The following EIF5A variants were observed in gnomAD, a reference collection of about 807,000 sequenced individuals.
EIF5A encodes eukaryotic translation initiation factor 5A-1.
A neutral mutation model predicts 16.6 loss-of-function variants in EIF5A; 1 was observed. The observed-to-expected ratio is 0.06, with a 90% confidence interval of 0.02 to 0.28. The LOEUF is 0.28. EIF5A is among the 10% of genes least tolerant of loss of function. EIF5A has a pLI of 1.00. For synonymous variants in EIF5A, 80 were observed against 73.6 expected, an observed-to-expected ratio of 1.09 and a Z score of -0.44; for missense variants, 29 against 196.1, an observed-to-expected ratio of 0.15 and a Z score of 5.09.
At chr17:7,307,060 G>C (rs1489507280), upstream of EIF5A, 4 of 1,603,044 alleles carry the variant, frequency 2.5e-6, no homozygotes, top group Non-Finnish European at 3.4e-6. Flanking sequence ...TGTGGAACTG[G>C]GGGGACTGAT....
chr17:7,312,460 C>T lies in EIF5A; in HGVS notation c.*650C>T, dbSNP rs1389314423. 2.8e-6 allele frequency: 1 copy of T among 351,158 alleles called. No homozygotes were observed. Among genetic ancestry groups the T allele is most frequent in the South Asian group, 3.3e-5 (1 of 29,914 alleles). The allele number at this position is 351,158 out of a possible 1,614,324, so 21.8% of individuals were successfully genotyped here. The stretch of plus-strand genomic sequence containing the variant: ...AAACTACAAGTTTAATATGAAGCCC[C>T]CAACTCAGCTGCTTATTTGAATTAA... On this transcript the variant is annotated 3_prime_UTR_variant, in exon 6 of 6. Coordinates refer to ENST00000336458, the MANE Select transcript of EIF5A (RefSeq NM_001970.5).
intron 1 of EIF5A, 56 bp downstream of exon 1, chr17:7,307,808 T>G (rs1597613300): frequency 3.2e-6 from 3 of 945,338 alleles, no homozygotes; most frequent in Non-Finnish European, 3.7e-6. Flanking sequence ...CGGGAGAAGA[T>G]GGAACTGCGC....
intron 2 of EIF5A, chr17:7,310,815 A>G (rs922170938): frequency 8.1e-6 from 8 of 985,118 alleles, no homozygotes; most frequent in South Asian, 4.7e-5. Context: ...GTCAACCCCA[A>G]TCTCAACGGT....
At chr17:7,310,310 C>G (rs1468989010) in intron 2 of EIF5A, 2 of 1,277,594 alleles carry the variant, frequency 1.6e-6, no homozygotes, top group East Asian at 1.1e-4. Flanking sequence ...CTGCCCCTAC[C>G]TGCCCCATCC....
chr17:7,311,684 A>C lies in EIF5A; in HGVS notation c.*11+33A>C, dbSNP rs1361371747. 6.2e-6 allele frequency: 10 copies of C among 1,612,860 alleles called. No individual in the cohort carries two copies. The East Asian group carries it at 2.2e-4, about 36-fold the overall frequency. On this transcript the variant is annotated intron_variant, in intron 5 of 5. Transcript: ENST00000336458. ...TGACAAATCCCTCACTGTCCCCTTC[A>C]CATTTTGTTGTCCTCAGCAGAGCTG...
intron 2 of EIF5A, chr17:7,310,309 C>T (rs2143009117): frequency 1.6e-6 from 2 of 1,277,652 alleles, no homozygotes; most frequent in South Asian, 1.3e-5. Context: ...ACTGCCCCTA[C>T]CTGCCCCATC....
chr17:7,310,727 C>G, intron 2 of EIF5A: 2 of 985,442 alleles, frequency 2.0e-6, no homozygotes, highest in Non-Finnish European at 2.4e-6. Context: ...TCCTCCCACT[C>G]CCCTAGACTC....
upstream of EIF5A, chr17:7,307,258 AT>A (rs1297656615): frequency 8.3e-7 from 1 of 1,204,396 alleles, no homozygotes; most frequent in African/African-American, 1.5e-5. Flanking sequence ...GTTGTTTAGG[AT>A]TCCGAACACG....
intron 1 of EIF5A, 97 bp downstream of exon 1, chr17:7,307,849 C>A: frequency 1.0e-6 from 1 of 981,150 alleles, no homozygotes; most frequent in Non-Finnish European, 1.2e-6. Flanking sequence ...AGGGGAGCGG[C>A]GGCCGCCGCC....
intron 3 of EIF5A, 112 bp downstream of exon 3, chr17:7,311,234 GGA>G: frequency 6.3e-7 from 1 of 1,580,008 alleles, no homozygotes; most frequent in Non-Finnish European, 8.6e-7. Context: ...GGAAATGGCA[GGA>G]GAGGGTGTTT....
intron 1 of EIF5A, chr17:7,308,133 G>C: frequency 3.0e-6 from 3 of 988,506 alleles, no homozygotes; most frequent in South Asian, 6.8e-5. Flanking sequence ...GGGGCTATTC[G>C]GTGAGAGGGC....
intron 1 of EIF5A, among the ~76,000 whole-genome samples, chr17:7,309,045 T>A (rs1165268513): frequency 6.6e-6 from 1 of 152,078 alleles, no homozygotes; most frequent in Non-Finnish European, 1.5e-5. Flanking sequence ...CCCCCTTGGC[T>A]TGTTGCAAGT....
At chr17:7,307,049 G>A (rs1416386547), upstream of EIF5A, 2 of 1,598,024 alleles carry the variant, frequency 1.3e-6, no homozygotes, top group Non-Finnish European at 1.7e-6. Context: ...TCCCGCGCAT[G>A]TGTGGAACTG....
At chr17:7,308,854 A>T (rs1597616137) in intron 1 of EIF5A, among the ~76,000 whole-genome samples, 1 of 150,398 alleles carries the variant, frequency 6.6e-6, no homozygotes, top group African/African-American at 2.5e-5. Context: ...GTCATTCACC[A>T]CCCCCCACCT....
At chr17:7,310,712 C>T (rs1183252789) in intron 2 of EIF5A, 1 of 985,304 alleles carries the variant, frequency 1.0e-6, no homozygotes, top group Non-Finnish European at 1.2e-6. Flanking sequence ...AACTTTTACT[C>T]AGACTCCTCC....
At chr17:7,309,833 C>A in intron 2 of EIF5A, 33 bp downstream of exon 2, 1 of 1,614,234 alleles carries the variant, frequency 6.2e-7, no homozygotes, top group South Asian at 1.1e-5. Flanking sequence ...TTGCCTTCCC[C>A]ATGCCTCCAG....
chr17:7,310,450 T>C, intron 2 of EIF5A: 1 of 1,176,212 alleles, frequency 8.5e-7, no homozygotes, highest in Non-Finnish European at 1.1e-6. Context: ...GTTGAATTTC[T>C]TGTGGTGTTT....
At chr17:7,310,432 T>C in intron 2 of EIF5A, 1 of 1,179,012 alleles carries the variant, frequency 8.5e-7, no homozygotes, top group Non-Finnish European at 1.1e-6. Flanking sequence ...TCAACCTGAT[T>C]CGTTCTTGTT....
At chr17:7,310,860 C>T (rs1269502675) in intron 2 of EIF5A, 158 bp from the exon 3 acceptor site, 12 of 985,214 alleles carry the variant, frequency 1.2e-5, no homozygotes, top group African/African-American at 3.5e-5. Flanking sequence ...CTTTAAGAGG[C>T]TTTACTGTTT....
Sources: allele counts gnomAD v4.1 joint callset (sites outside exome capture counted in the v4.1 genomes callset), GRCh38; gene constraint gnomAD v4.1.1; transcripts MANE v1.5; gene names NCBI Gene and HGNC (gene_info 2026-07-23, HGNC 2026-07-21).